The following WWOX variants were observed in gnomAD, a reference collection of about 807,000 sequenced individuals.
The protein encoded by WWOX is WW domain containing oxidoreductase, also known as WW domain-containing oxidoreductase.
Under a neutral mutation model 46.2 loss-of-function variants are expected in WWOX, and 69 were observed. The ratio of observed to expected loss-of-function variants is 1.49; its 90% CI spans 1.23 to 1.82. WWOX has a LOEUF of 1.82. Ranked by LOEUF, WWOX falls within the 40% of genes most tolerant of loss-of-function variation. The pLI is 0.00. For synonymous variants in WWOX, 359 were observed against 202.6 expected (o/e 1.77, Z -6.56); for missense variants, 919 against 542.6 (o/e 1.69, Z -6.89).
intron 8 of WWOX, among the ~76,000 whole-genome samples, chr16:78,632,184 G>A (rs538507891): frequency 6.6e-6 from 1 of 152,294 alleles, no homozygotes; most frequent in South Asian, 2.1e-4. Context: ...TAAGTGACAA[G>A]TTGCAGAATG....
intron 8 of WWOX, among the ~76,000 whole-genome samples, chr16:78,635,623 G>C (rs2046548621): frequency 6.6e-6 from 1 of 152,142 alleles, no homozygotes; most frequent in Admixed American, 6.5e-5. Flanking sequence ...AAGGGTTGTT[G>C]AGAGGATGAA....
intron 8 of WWOX, among the ~76,000 whole-genome samples, chr16:78,566,818 T>G (rs1185927353): frequency 6.6e-6 from 1 of 152,150 alleles, no homozygotes; most frequent in East Asian, 1.9e-4. Context: ...TTTTGCACAT[T>G]GTTTGATTCA....
chr16:78,384,123 G>A (rs1454509381), intron 5 of WWOX, among the ~76,000 whole-genome samples: 1 of 152,146 alleles, frequency 6.6e-6, no homozygotes. Context: ...ATACATACAT[G>A]CGTTTTTATA....
At chr16:78,935,976 G>T (rs1043058463) in intron 8 of WWOX, among the ~76,000 whole-genome samples, 2 of 152,154 alleles carry the variant, frequency 1.3e-5, no homozygotes, top group South Asian at 2.1e-4. Flanking sequence ...AAGTTGGAAG[G>T]GTGTGATGGG....
chr16:79,019,605 G>T (rs916118376), intron 8 of WWOX, among the ~76,000 whole-genome samples: 1 of 151,986 alleles, frequency 6.6e-6, no homozygotes, highest in Non-Finnish European at 1.5e-5. Flanking sequence ...AAGCAAGCTG[G>T]TATCCTGCGT....
chr16:78,577,885 G>C (rs2044929145), intron 8 of WWOX, among the ~76,000 whole-genome samples: 2 of 152,070 alleles, frequency 1.3e-5, no homozygotes, highest in South Asian at 4.2e-4. Flanking sequence ...ATTTCCGTTT[G>C]ACAGAATATA....
At chr16:78,744,056 C>T (rs889993854) in intron 8 of WWOX, among the ~76,000 whole-genome samples, 1 of 152,152 alleles carries the variant, frequency 6.6e-6, no homozygotes, top group African/African-American at 2.4e-5. Flanking sequence ...TGGACGCCCT[C>T]CTCCAGTAAC....
intron 8 of WWOX, among the ~76,000 whole-genome samples, chr16:78,783,296 C>G (rs1205112095): frequency 6.6e-6 from 1 of 152,222 alleles, no homozygotes; most frequent in Non-Finnish European, 1.5e-5. Context: ...GTGTGTGGCA[C>G]TGTGCAGTTG....
intron 5 of WWOX, among the ~76,000 whole-genome samples, chr16:78,357,168 C>T (rs186537723): frequency 6.6e-6 from 1 of 152,226 alleles, no homozygotes; most frequent in Non-Finnish European, 1.5e-5. Context: ...AGTAAAGTTC[C>T]TGATGTTTGA....
At chr16:78,347,829 T>C (rs1013746045) in intron 5 of WWOX, among the ~76,000 whole-genome samples, 5 of 121,874 alleles carry the variant, frequency 4.1e-5, no homozygotes, top group Admixed American at 1.6e-4. Flanking sequence ...CTTAAAGCTT[T>C]TCTGGAAGGA....
chr16:78,198,335 T>TC (rs1163403542), intron 5 of WWOX, among the ~76,000 whole-genome samples: 1 of 151,900 alleles, frequency 6.6e-6, no homozygotes, highest in African/African-American at 2.4e-5. Flanking sequence ...CCCTCCCCCA[T>TC]CCCCCGCATC....
intron 5 of WWOX, among the ~76,000 whole-genome samples, chr16:78,373,299 G>T (rs1020400710): frequency 2.0e-5 from 3 of 152,162 alleles, no homozygotes; most frequent in Non-Finnish European, 4.4e-5. Flanking sequence ...CTGATTGACA[G>T]TTGGCTTTGT....
intron 5 of WWOX, among the ~76,000 whole-genome samples, chr16:78,206,761 A>G (rs1286345470): frequency 6.6e-6 from 1 of 152,182 alleles, no homozygotes; most frequent in Non-Finnish European, 1.5e-5. Flanking sequence ...TAGAGTGTTA[A>G]TTATTAACAT....
intron 8 of WWOX, among the ~76,000 whole-genome samples, chr16:79,156,770 A>G (rs754768349): frequency 6.8e-6 from 1 of 147,376 alleles, no homozygotes; most frequent in Middle Eastern, 3.4e-3. Context: ...CAAGGGATGT[A>G]TGATGTATGC....
At chr16:78,610,054 C>G (rs2045863311) in intron 8 of WWOX, among the ~76,000 whole-genome samples, 1 of 147,902 alleles carries the variant, frequency 6.8e-6, no homozygotes, top group South Asian at 2.2e-4. Context: ...CGATTGCGAT[C>G]TCGCTGGAAA....
At chr16:78,114,517 T>A (rs767911007) in intron 3 of WWOX, among the ~76,000 whole-genome samples, 2 of 152,190 alleles carry the variant, frequency 1.3e-5, no homozygotes, top group Non-Finnish European at 1.5e-5. Flanking sequence ...TTTTGGTAGT[T>A]GGCAGGTTTC....
chr16:79,125,890 G>A (rs150898978), intron 8 of WWOX, among the ~76,000 whole-genome samples: 111 of 152,260 alleles, frequency 7.3e-4, no homozygotes, highest in African/African-American at 2.6e-3. Flanking sequence ...ATCGTCGAAG[G>A]CGTGGTTTCT....
At position 79,026,140 on chromosome 16, in the gene WWOX, C is replaced by A. The variant is rs949465604; in HGVS notation, c.1057-185468C>A. 8.2e-4 allele frequency among the ~76,000 whole-genome samples: 125 copies of A among 151,714 alleles called. 2 individuals carry two copies. Among genetic ancestry groups the A allele is most frequent in the African/African-American group, 3.0e-3 (122 of 41,098 alleles). On this transcript the variant is annotated intron_variant, in intron 8 of 8. Coordinates refer to ENST00000566780, the MANE Select transcript of WWOX (RefSeq NM_016373.4). ...CAAAACACTAAGTGCATCATGTTAA[C>A]CTTCCACTCGCTTCTTTAAGTTTCC...
intron 6 of WWOX, among the ~76,000 whole-genome samples, chr16:78,406,060 G>A (rs200413688): frequency 2.0e-5 from 3 of 152,024 alleles, no homozygotes; most frequent in East Asian, 1.9e-4. Context: ...GGTGTCTCAC[G>A]TGAAAGTAAA....
Sources: allele counts gnomAD v4.1 joint callset (sites outside exome capture counted in the v4.1 genomes callset), GRCh38; gene constraint gnomAD v4.1.1; transcripts MANE v1.5; gene names NCBI Gene and HGNC (gene_info 2026-07-23, HGNC 2026-07-21).